Variants in SLC35G2 observed in about 807,000 individuals in gnomAD.
SLC35G2 encodes the protein solute carrier family 35 member G2, also known as transmembrane protein 22.
SLC35G2 carries 20 observed loss-of-function variants against 27.2 expected under a neutral mutation model. That is an observed-to-expected ratio of 0.74 (90% CI 0.52 to 1.07). SLC35G2 has a LOEUF of 1.07. SLC35G2 is among the 50% of genes least tolerant of loss of function. The pLI is 0.00. For synonymous variants in SLC35G2, 148 were observed against 165.3 expected, an observed-to-expected ratio of 0.90 and a Z score of 0.80; for missense variants, 416 against 493.3, an observed-to-expected ratio of 0.84 and a Z score of 1.48.
intron 1 of SLC35G2, among the ~76,000 whole-genome samples, chr3:136,834,141 C>G (rs1560012334): frequency 6.6e-6 from 1 of 151,934 alleles, no homozygotes; most frequent in African/African-American, 2.4e-5. Flanking sequence ...AAAAATATTA[C>G]TAACATGTCT....
chr3:136,848,695 T>C (rs977126215), intron 1 of SLC35G2, among the ~76,000 whole-genome samples: 1 of 152,170 alleles, frequency 6.6e-6, no homozygotes, highest in African/African-American at 2.4e-5. Flanking sequence ...AATCAAATAC[T>C]GCATGTTCTG....
At chr3:136,829,307 C>T (rs562985644) in intron 1 of SLC35G2, among the ~76,000 whole-genome samples, 93 of 152,052 alleles carry the variant, frequency 6.1e-4, no homozygotes, top group African/African-American at 1.9e-3. Flanking sequence ...CTGCAACCTC[C>T]GCCTCCCGGG....
chr3:136,843,660 C>A (rs547313558), intron 1 of SLC35G2, among the ~76,000 whole-genome samples: 36 of 146,652 alleles, frequency 2.5e-4, no homozygotes, highest in African/African-American at 8.9e-4. Context: ...AGGCTGGGCG[C>A]AGTGGCTCAA....
At chr3:136,825,802 C>T (rs1576886161) in intron 1 of SLC35G2, among the ~76,000 whole-genome samples, 1 of 152,254 alleles carries the variant, frequency 6.6e-6, no homozygotes, top group East Asian at 1.9e-4. Context: ...ATTTGCTTTA[C>T]TAGTATTTTG....
chr3:136,850,898 T>C (rs1012014799), intron 1 of SLC35G2, among the ~76,000 whole-genome samples: 1 of 151,930 alleles, frequency 6.6e-6, no homozygotes, highest in Non-Finnish European at 1.5e-5. Context: ...GGTGGGAGGA[T>C]TGCTTGAGCC....
At chr3:136,849,784 C>T (rs913266836) in intron 1 of SLC35G2, among the ~76,000 whole-genome samples, 1 of 151,730 alleles carries the variant, frequency 6.6e-6, no homozygotes, top group African/African-American at 2.4e-5. Context: ...TGAGCCACTG[C>T]ACCTGGCCCA....
At chr3:136,832,428 A>G (rs1355054684) in intron 1 of SLC35G2, among the ~76,000 whole-genome samples, 1 of 152,212 alleles carries the variant, frequency 6.6e-6, no homozygotes, top group Non-Finnish European at 1.5e-5. Context: ...AATTGTCATT[A>G]CTTTTGCTTT....
At position 136,854,715 on chromosome 3, in the gene SLC35G2, T is replaced by C; in HGVS notation, c.255T>C (p.Asn85=). The C allele has an allele frequency of 1.2e-6, 2 of 1,613,626 alleles. No homozygotes were observed. The highest frequency in any genetic ancestry group is 4.5e-5 in the East Asian group (2 of 44,880). The change falls in exon 2 of 2, where the codon AAT becomes AAC. Residue 85 remains asparagine (N), a synonymous_variant. Transcript: ENST00000446465. ...CACCAACAGAAGACCCAATGATCAATGAGATTGGACAATTCCAGAGCTTTG... is the reference window on the plus strand; with the variant it reads ...CACCAACAGAAGACCCAATGATCAACGAGATTGGACAATTCCAGAGCTTTG... ...LPPPTEDPMI[N]EIGQFQSFAE...
At chr3:136,827,842 T>G (rs577575089) in intron 1 of SLC35G2, among the ~76,000 whole-genome samples, 2 of 151,842 alleles carry the variant, frequency 1.3e-5, no homozygotes, top group Non-Finnish European at 2.9e-5. Context: ...GGTTTTTGTT[T>G]TTTTTTTTTT....
intron 1 of SLC35G2, among the ~76,000 whole-genome samples, chr3:136,825,999 T>A (rs1936574612): frequency 6.6e-6 from 1 of 151,544 alleles, no homozygotes; most frequent in East Asian, 1.9e-4. Context: ...TTTGGTAGAA[T>A]TCAGCCATCA....
chr3:136,820,896 T>C (rs1310909748), intron 1 of SLC35G2, among the ~76,000 whole-genome samples: 1 of 152,132 alleles, frequency 6.6e-6, no homozygotes, highest in Non-Finnish European at 1.5e-5. Flanking sequence ...AAAATTGATA[T>C]TGATACCAAA....
At chr3:136,847,826 G>C (rs1037624621) in intron 1 of SLC35G2, among the ~76,000 whole-genome samples, 15 of 152,000 alleles carry the variant, frequency 9.9e-5, no homozygotes, top group Non-Finnish European at 1.5e-5. Context: ...AAATTAGCTG[G>C]ATTTGGTGGT....
At chr3:136,821,779 T>C (rs1013424659) in intron 1 of SLC35G2, among the ~76,000 whole-genome samples, 2 of 152,188 alleles carry the variant, frequency 1.3e-5, no homozygotes, top group African/African-American at 4.8e-5. Context: ...ATTGTTGATA[T>C]GTATTGTTGA....
At chr3:136,844,810 A>AC (rs1193275891) in intron 1 of SLC35G2, among the ~76,000 whole-genome samples, 61 of 151,224 alleles carry the variant, frequency 4.0e-4, no homozygotes, top group African/African-American at 1.4e-3. Context: ...AAAAAAAAAA[A>AC]AAAAAAAAAA....
chr3:136,852,072 T>G (rs1194885424), intron 1 of SLC35G2, among the ~76,000 whole-genome samples: 1 of 152,184 alleles, frequency 6.6e-6, no homozygotes, highest in Admixed American at 6.5e-5. Context: ...GGAAAAATTG[T>G]GGTATCACAG....
chr3:136,855,048 T>G lies in SLC35G2; in HGVS notation c.588T>G (p.Thr196=). ...TAGTTCCTCCCAGCAATGGGACCAC[T>G]ATGTGGAGAGCCACAACTACAGTCT... ...FSIVPPSNGT[T]MWRATTTVFS... Residue 196 remains threonine, a synonymous_variant, in exon 2 of 2, where the codon ACT becomes ACG. Transcript: ENST00000446465. 6.2e-7 allele frequency: 1 copy of G among 1,614,228 alleles called. No individual in the cohort carries two copies. The highest frequency in any genetic ancestry group is 1.3e-5 in the African/African-American group (1 of 75,064).
rs1276372411 is a variant in SLC35G2 at position 136,854,602 on chromosome 3, T to C, written c.142T>C (p.Phe48Leu). Reference protein sequence around the residue: ...YEEINEGYGNFMEENPKKGLL... With the variant: ...YEEINEGYGNLMEENPKKGLL... The stretch of plus-strand genomic sequence containing the variant: ...AGAAATCAATGAAGGCTATGGAAAT[T>C]TTATGGAGGAAAATCCAAAGAAAGG... The change falls in exon 2 of 2, where the codon TTT (phenylalanine) becomes CTT (leucine). Residue 48 changes from phenylalanine to leucine, a missense_variant. By Grantham distance (22) the Phe-to-Leu change is conservative. Coordinates refer to ENST00000446465, the MANE Select transcript of SLC35G2 (RefSeq NM_025246.3). The C allele has an allele frequency of 6.2e-7, 1 of 1,612,736 alleles. No homozygotes were observed. The highest frequency in any genetic ancestry group is 1.7e-4 in the Middle Eastern group (1 of 6,056).
In SLC35G2 at chr3:136,855,750, A is replaced by C; in HGVS notation, c.*51A>C. On this transcript the variant is annotated 3_prime_UTR_variant, in exon 2 of 2. Transcript: ENST00000446465. Reference sequence around the variant, plus strand: ...ATGTTCAGTTATTATGTATACTGCCATTTTAATGTTTACCTATGAATGTCT... The same window carrying C: ...ATGTTCAGTTATTATGTATACTGCCCTTTTAATGTTTACCTATGAATGTCT... 3.0e-6 allele frequency: 4 copies of C among 1,346,940 alleles called. No individual in the cohort carries two copies. Among genetic ancestry groups the C allele is most frequent in the Non-Finnish European group, 4.2e-6 (4 of 942,302 alleles). The allele number at this position is 1,346,940 out of a possible 1,614,324, so 83.4% of individuals were successfully genotyped here. A position where few individuals can be genotyped will look rare whatever the true frequency, so the allele number is the denominator to read the frequency against.
intron 1 of SLC35G2, among the ~76,000 whole-genome samples, chr3:136,840,859 G>T (rs892133936): frequency 6.6e-6 from 1 of 150,986 alleles, no homozygotes; most frequent in Non-Finnish European, 1.5e-5. Context: ...CTGACCTCAG[G>T]TGATCTGCCC....
Sources: gnomAD v4.1 joint callset for allele counts (sites outside exome capture counted in the v4.1 genomes callset) on GRCh38, gnomAD v4.1.1 for gene constraint, MANE v1.5 for transcripts, NCBI Gene and HGNC (gene_info 2026-07-23, HGNC 2026-07-21) for gene names.